Variants in SLC38A11 observed in about 807,000 individuals in gnomAD.
SLC38A11 encodes the protein solute carrier family 38 member 11.
In SLC38A11, 51 loss-of-function variants were observed where a neutral mutation model predicts 49.4. The ratio of observed to expected loss-of-function variants is 1.03; its 90% CI spans 0.83 to 1.30. SLC38A11 has a LOEUF of 1.30. SLC38A11 is among the 50% of genes most tolerant of loss of function. The pLI is 0.00. For synonymous variants in SLC38A11, 203 were observed against 192.9 expected (o/e 1.05, Z -0.43); for missense variants, 574 against 556.2 (o/e 1.03, Z -0.32).
At chr2:164,916,783 T>G (rs994987718) in intron 7 of SLC38A11, among the ~76,000 whole-genome samples, 1 of 152,154 alleles carries the variant, frequency 6.6e-6, no homozygotes, top group Admixed American at 6.6e-5. Context: ...ATATTGGCAG[T>G]GATAGGTCTA....
At chr2:164,908,138 G>T (rs1685146226) in intron 11 of SLC38A11, 1 of 152,136 alleles carries the variant, frequency 6.6e-6, no homozygotes, top group Admixed American at 6.6e-5. Flanking sequence ...GTCATAGCAA[G>T]TGAATGGATA....
intron 11 of SLC38A11, chr2:164,908,014 G>C (rs1685135771): frequency 6.6e-6 from 1 of 152,190 alleles, no homozygotes; most frequent in African/African-American, 2.4e-5. Flanking sequence ...AGTTGAAACA[G>C]AGCTGGGATT....
chr2:164,908,801 G>A, intron 10 of SLC38A11, 30 bp from the exon 11 acceptor site: 1 of 1,586,652 alleles, frequency 6.3e-7, no homozygotes, highest in Non-Finnish European at 8.6e-7. Context: ...TTTTGAGAGG[G>A]ACTTTTAAAG....
chr2:164,946,951 CTCG>C (rs1209099964), intron 3 of SLC38A11, among the ~76,000 whole-genome samples: 2 of 151,966 alleles, frequency 1.3e-5, no homozygotes, highest in African/African-American at 2.4e-5. Flanking sequence ...AACACTGTTT[CTCG>C]TTGTCGTTGT....
At chr2:164,938,388 A>G (rs887482456) in intron 6 of SLC38A11, among the ~76,000 whole-genome samples, 3 of 152,250 alleles carry the variant, frequency 2.0e-5, no homozygotes, top group East Asian at 1.9e-4. Context: ...ATTTATTTAG[A>G]TATCTCAATA....
intron 3 of SLC38A11, among the ~76,000 whole-genome samples, chr2:164,952,470 T>G (rs1030211404): frequency 6.6e-6 from 1 of 152,258 alleles, no homozygotes; most frequent in African/African-American, 2.4e-5. Flanking sequence ...AAAAGGCACA[T>G]GAAAAGGATT....
intron 7 of SLC38A11, among the ~76,000 whole-genome samples, chr2:164,935,238 G>A (rs533348121): frequency 3.4e-4 from 51 of 151,000 alleles, no homozygotes; most frequent in African/African-American, 1.2e-3. Context: ...ATAATTGGCA[G>A]CAGGTGCTAA....
At chr2:164,941,751 AC>A (rs1316270389) in intron 5 of SLC38A11, among the ~76,000 whole-genome samples, 1 of 152,150 alleles carries the variant, frequency 6.6e-6, no homozygotes, top group Non-Finnish European at 1.5e-5. Flanking sequence ...GGTCACTCTA[AC>A]TGTACAGTAG....
chr2:164,907,269 T>C (rs1479797770), intron 11 of SLC38A11, among the ~76,000 whole-genome samples: 3 of 120,090 alleles, frequency 2.5e-5, no homozygotes, highest in African/African-American at 9.4e-5. Flanking sequence ...TCTTCTTTTC[T>C]CTTTTTTTTT....
chr2:164,939,387 T>C (rs1486917026), intron 6 of SLC38A11, 63 bp downstream of exon 6: 1 of 1,116,968 alleles, frequency 9.0e-7, no homozygotes. Context: ...CTTTGCCAAG[T>C]AGACAGTAGA....
intron 2 of SLC38A11, among the ~76,000 whole-genome samples, chr2:164,954,145 A>T (rs1688697025): frequency 6.6e-6 from 1 of 152,178 alleles, no homozygotes; most frequent in African/African-American, 2.4e-5. Flanking sequence ...CACTGTATAG[A>T]TAGGTAAAGA....
chr2:164,898,649 AGT>A lies in SLC38A11; in HGVS notation c.1175_1176del (p.His392LeufsTer3). On this transcript the variant is annotated frameshift_variant, in exon 12 of 12. Coordinates refer to ENST00000685975, the MANE Select transcript of SLC38A11 (RefSeq NM_001351537.2). LOFTEE classifies it high-confidence loss of function. ...ATGACACAAGACATAATCTTATCGG[AGT>A]GTGTCCTTGGTTCTTCAGACAGTTT... ...YLKLSEEPRT[H>X]SDKIMSCVML... is the part of the protein sequence containing the mutation. The A allele has an allele frequency of 6.2e-7, 1 of 1,613,528 alleles. No individual in the cohort carries two copies. Among genetic ancestry groups the A allele is most frequent in the East Asian group, 2.2e-5 (1 of 44,822 alleles).
In SLC38A11 at chr2:164,896,603, G is replaced by C. The variant is rs566498736; in HGVS notation, c.*1834C>G. The C allele has an allele frequency of 6.6e-6, 1 of 152,092 alleles. No homozygotes were observed. The highest frequency in any genetic ancestry group is 1.9e-4 in the East Asian group (1 of 5,180). 9.4% of individuals were successfully genotyped at this position (152,092 alleles called of 1,614,324 possible). ...TTTTTATTATATTTTACCTAAACAT[G>C]TACCAATCTAAAAACAGGCACAAAC... On this transcript the variant is annotated 3_prime_UTR_variant, in exon 12 of 12. Coordinates refer to ENST00000685975, the MANE Select transcript of SLC38A11 (RefSeq NM_001351537.2).
At chr2:164,952,626 G>A in intron 3 of SLC38A11, 81 bp downstream of exon 3, 1 of 846,528 alleles carries the variant, frequency 1.2e-6, no homozygotes, top group Non-Finnish European at 1.9e-6. Context: ...TTCAGTTGCA[G>A]CATGTGTGTG....
chr2:164,912,814 A>G (rs1251359327), intron 9 of SLC38A11, among the ~76,000 whole-genome samples: 2 of 152,052 alleles, frequency 1.3e-5, no homozygotes, highest in African/African-American at 2.4e-5. Context: ...ATGAAGAAAT[A>G]CAGGGATCTA....
At chr2:164,938,562 T>C (rs917557345) in intron 6 of SLC38A11, among the ~76,000 whole-genome samples, 2 of 152,204 alleles carry the variant, frequency 1.3e-5, no homozygotes, top group Non-Finnish European at 2.9e-5. Flanking sequence ...TTTTATATAA[T>C]TCACAGAAAA....
chr2:164,923,229 C>T (rs986050941), intron 7 of SLC38A11, among the ~76,000 whole-genome samples: 26 of 152,074 alleles, frequency 1.7e-4, no homozygotes, highest in Non-Finnish European at 4.4e-5. Flanking sequence ...CAAGTGGGAC[C>T]TAATTAAACT....
chr2:164,919,318 C>T (rs148021677), intron 7 of SLC38A11, among the ~76,000 whole-genome samples: 7 of 151,548 alleles, frequency 4.6e-5, no homozygotes, highest in East Asian at 1.9e-4. Flanking sequence ...CAATAGAGTA[C>T]GACCCTGCCT....
intron 4 of SLC38A11, 64 bp downstream of exon 4, chr2:164,945,529 T>G (rs1206621502): frequency 2.8e-6 from 4 of 1,449,644 alleles, no homozygotes; most frequent in Non-Finnish European, 3.7e-6. Flanking sequence ...TAAAAGTATT[T>G]TATTCAGAAA....
Sources: gnomAD v4.1 joint callset for allele counts (sites outside exome capture counted in the v4.1 genomes callset) on GRCh38, gnomAD v4.1.1 for gene constraint, MANE v1.5 for transcripts, NCBI Gene and HGNC (gene_info 2026-07-23, HGNC 2026-07-21) for gene names.